The following TENM3 variants were observed in gnomAD, a reference collection of about 807,000 sequenced individuals.
The protein encoded by TENM3 is teneurin transmembrane protein 3.
Under a neutral mutation model 255.1 loss-of-function variants are expected in TENM3, and 63 were observed. The ratio of observed to expected loss-of-function variants is 0.25; its 90% CI spans 0.20 to 0.30. The LOEUF (loss-of-function observed/expected upper bound fraction) is 0.30, where lower values mean the gene tolerates loss of function less well. Among genes scored for constraint, TENM3 ranks in the 10% least tolerant of loss-of-function variants. TENM3 has a pLI of 1.00. For synonymous variants in TENM3, 1,306 were observed against 1,322.3 expected (o/e 0.99, Z 0.27); for missense variants, 2,929 against 3,461.1 (o/e 0.85, Z 3.86).
At chr4:182,162,750 C>A (rs1331803828) in intron 1 of TENM3, among the ~76,000 whole-genome samples, 1 of 152,216 alleles carries the variant, frequency 6.6e-6, no homozygotes, top group Non-Finnish European at 1.5e-5. Context: ...GAGACAAGCT[C>A]TGTGTCCTCA....
At chr4:181,544,423 A>AC in the TENM3 span, among the ~76,000 whole-genome samples, 2 of 140,262 alleles carry the variant, frequency 1.4e-5, no homozygotes, top group South Asian at 4.5e-4. Flanking sequence ...AAAAAAAAAA[A>AC]AAAAAAAAAA....
At chr4:181,527,418 G>C in the TENM3 span, among the ~76,000 whole-genome samples, 1 of 152,004 alleles carries the variant, frequency 6.6e-6, no homozygotes, top group African/African-American at 2.4e-5. Flanking sequence ...ACCCAGGCTG[G>C]AGTGCAGTGG....
the TENM3 span, among the ~76,000 whole-genome samples, chr4:181,785,517 G>T: frequency 1.3e-5 from 2 of 152,010 alleles, no homozygotes; most frequent in African/African-American, 4.8e-5. Context: ...ATATGTATGC[G>T]CATATACACA....
chr4:182,386,754 C>G (rs970171072), intron 3 of TENM3, among the ~76,000 whole-genome samples: 1 of 152,244 alleles, frequency 6.6e-6, no homozygotes, highest in Non-Finnish European at 1.5e-5. Flanking sequence ...CGGCGCTGCT[C>G]TCGATTTCTC....
At chr4:182,397,170 C>A (rs1023604440) in intron 3 of TENM3, among the ~76,000 whole-genome samples, 2 of 151,164 alleles carry the variant, frequency 1.3e-5, no homozygotes, top group Admixed American at 1.3e-4. Context: ...CAGGGAGACT[C>A]TGACTCAGTA....
intron 3 of TENM3, among the ~76,000 whole-genome samples, chr4:182,440,278 A>AT (rs1228555882): frequency 1.3e-5 from 2 of 151,578 alleles, no homozygotes; most frequent in Non-Finnish European, 2.9e-5. Flanking sequence ...CGCCCAGCTA[A>AT]TTTTTTTGTA....
the TENM3 span, among the ~76,000 whole-genome samples, chr4:181,922,604 A>G: frequency 6.6e-6 from 1 of 151,840 alleles, no homozygotes; most frequent in South Asian, 2.1e-4. Context: ...TTTTTATTGT[A>G]TCTGTTTGAT....
the TENM3 span, among the ~76,000 whole-genome samples, chr4:181,677,263 A>G: frequency 2.0e-5 from 3 of 151,884 alleles, no homozygotes; most frequent in Non-Finnish European, 4.4e-5. Context: ...TTCTCTCTTG[A>G]TATCTTGCCA....
At chr4:181,909,169 G>C in the TENM3 span, among the ~76,000 whole-genome samples, 29 of 152,076 alleles carry the variant, frequency 1.9e-4, no homozygotes, top group Non-Finnish European at 8.8e-5. Flanking sequence ...ATTCCCACTT[G>C]TGTATCTTCA....
At chr4:181,867,502 T>C in the TENM3 span, among the ~76,000 whole-genome samples, 1 of 152,196 alleles carries the variant, frequency 6.6e-6, no homozygotes, top group Non-Finnish European at 1.5e-5. Flanking sequence ...ACTCACCAGT[T>C]TGGTATATTT....
chr4:181,995,976 C>T, the TENM3 span, among the ~76,000 whole-genome samples: 3 of 152,024 alleles, frequency 2.0e-5, no homozygotes, highest in African/African-American at 4.8e-5. Context: ...TTCCTTCCTC[C>T]CTCAAGAGCC....
the TENM3 span, among the ~76,000 whole-genome samples, chr4:181,629,338 T>C: frequency 6.6e-6 from 1 of 152,216 alleles, no homozygotes; most frequent in Non-Finnish European, 1.5e-5. Flanking sequence ...TTCTTTCTCC[T>C]GCCTGATTGC....
At chr4:182,314,095 G>A (rs1035374359) in intron 1 of TENM3, among the ~76,000 whole-genome samples, 2 of 152,122 alleles carry the variant, frequency 1.3e-5, no homozygotes, top group African/African-American at 4.8e-5. Flanking sequence ...GGCAGATCAC[G>A]AGGTCAGGAG....
the TENM3 span, among the ~76,000 whole-genome samples, chr4:182,078,033 C>G: frequency 6.6e-6 from 1 of 152,060 alleles, no homozygotes; most frequent in Non-Finnish European, 1.5e-5. Flanking sequence ...TGAGCCTGGG[C>G]AAGGTAGCAA....
At chr4:182,505,165 A>G (rs1474597951) in intron 3 of TENM3, among the ~76,000 whole-genome samples, 1 of 152,148 alleles carries the variant, frequency 6.6e-6, no homozygotes, top group East Asian at 1.9e-4. Context: ...CCACATTACA[A>G]TGGTCTTATG....
chr4:181,619,173 A>C, the TENM3 span, among the ~76,000 whole-genome samples: 4 of 152,088 alleles, frequency 2.6e-5, no homozygotes, highest in Admixed American at 1.3e-4. Context: ...GCTTCCTCGG[A>C]GTGGCCGTCT....
At chr4:181,455,947 T>C in the TENM3 span, among the ~76,000 whole-genome samples, 1 of 151,920 alleles carries the variant, frequency 6.6e-6, no homozygotes, top group Non-Finnish European at 1.5e-5. Flanking sequence ...AGGGCAAAGG[T>C]AGCCAGCTTT....
At position 182,321,455 on chromosome 4, in the gene TENM3, G is replaced by A. The variant is rs142820421; in HGVS notation, c.-75-2491G>A. On this transcript the variant is annotated intron_variant, in intron 1 of 27. Transcript: ENST00000511685. ...AGCCTCACCAACATGGTGAAACCCC[G>A]TCTCCACTAAAAATACAAAAATTAG... Among the ~76,000 whole-genome samples the A allele has an allele frequency of 8.4e-4, 127 of 151,840 alleles. 1 individual carries two copies. Among genetic ancestry groups the A allele is most frequent in the African/African-American group, 2.8e-3 (115 of 41,430 alleles).
the TENM3 span, among the ~76,000 whole-genome samples, chr4:181,900,938 C>T: frequency 2.0e-5 from 3 of 152,202 alleles, no homozygotes; most frequent in African/African-American, 7.2e-5. Flanking sequence ...CACATGTGCA[C>T]ACACTCTCAT....
Sources: allele counts gnomAD v4.1 joint callset (sites outside exome capture counted in the v4.1 genomes callset), GRCh38; gene constraint gnomAD v4.1.1; transcripts MANE v1.5; gene names NCBI Gene and HGNC (gene_info 2026-07-23, HGNC 2026-07-21).